TMEM108: variants seen among roughly 807,000 people sequenced by gnomAD.
The protein encoded by TMEM108 is cancer/testis antigen 124.
A neutral mutation model predicts 35.1 loss-of-function variants in TMEM108; 12 were observed. That is an observed-to-expected ratio of 0.34 (90% CI 0.22 to 0.55). The LOEUF is 0.55. TMEM108 is among the 20% of genes least tolerant of loss of function. TMEM108 has a pLI of 0.89. For missense variants in TMEM108, 680 were observed against 753.3 expected, an observed-to-expected ratio of 0.90 and a Z score of 1.14; for synonymous variants, 287 against 308.6, an observed-to-expected ratio of 0.93 and a Z score of 0.73.
chr3:133,059,804 T>C (rs999917234), intron 2 of TMEM108, among the ~76,000 whole-genome samples: 5 of 152,174 alleles, frequency 3.3e-5, no homozygotes, highest in South Asian at 2.1e-4. Context: ...TTAATGCATT[T>C]TTCCCCTGGC....
chr3:133,311,791 C>G (rs909151898), intron 3 of TMEM108, among the ~76,000 whole-genome samples: 1 of 152,212 alleles, frequency 6.6e-6, no homozygotes, highest in African/African-American at 2.4e-5. Flanking sequence ...AGAAGAGGCA[C>G]TCCGGTTTTT....
chr3:133,242,181 A>G (rs1946323609), intron 3 of TMEM108, among the ~76,000 whole-genome samples: 1 of 152,176 alleles, frequency 6.6e-6, no homozygotes, highest in Admixed American at 6.5e-5. Flanking sequence ...ATCTGCAAAG[A>G]CCATTTTTCC....
At chr3:133,187,883 C>A (rs201036687) in intron 2 of TMEM108, among the ~76,000 whole-genome samples, 184 of 127,280 alleles carry the variant, frequency 1.4e-3, no homozygotes, top group Middle Eastern at 4.1e-3. Flanking sequence ...ACGGTTGCTG[C>A]AAAAAAAAAA....
chr3:133,169,038 C>G (rs113007546), intron 2 of TMEM108, among the ~76,000 whole-genome samples: 1 of 152,230 alleles, frequency 6.6e-6, no homozygotes, highest in Non-Finnish European at 1.5e-5. Flanking sequence ...GACACACCAT[C>G]TTTAAGAACT....
chr3:133,288,013 G>A (rs1013180011), intron 3 of TMEM108, among the ~76,000 whole-genome samples: 1 of 152,196 alleles, frequency 6.6e-6, no homozygotes. Context: ...CCAAAAGAGG[G>A]ACAATTTCAG....
chr3:133,281,713 C>G (rs1946915322), intron 3 of TMEM108, among the ~76,000 whole-genome samples: 1 of 152,198 alleles, frequency 6.6e-6, no homozygotes, highest in African/African-American at 2.4e-5. Flanking sequence ...CTAAGCAGCT[C>G]TGTGACATTG....
chr3:133,094,886 T>C (rs868035975), intron 2 of TMEM108, among the ~76,000 whole-genome samples: 14 of 152,328 alleles, frequency 9.2e-5, no homozygotes, highest in African/African-American at 3.4e-4. Flanking sequence ...CTCTACTGGA[T>C]TGTAGTTCCT....
intron 2 of TMEM108, among the ~76,000 whole-genome samples, chr3:133,064,574 A>G (rs1400246223): frequency 1.3e-5 from 2 of 152,182 alleles, no homozygotes; most frequent in Non-Finnish European, 2.9e-5. Context: ...ATTTTATGAA[A>G]TACTTGAATT....
intron 2 of TMEM108, among the ~76,000 whole-genome samples, chr3:133,141,218 G>A (rs988605094): frequency 6.6e-6 from 1 of 152,168 alleles, no homozygotes; most frequent in African/African-American, 2.4e-5. Flanking sequence ...TGCCAGCAGG[G>A]CCATTGTGGT....
intron 2 of TMEM108, among the ~76,000 whole-genome samples, chr3:133,203,390 T>C (rs4361277): frequency 0.78 from 118,641 of 152,164 alleles, 46,597 homozygotes; most frequent in East Asian, 0.94. Flanking sequence ...AAAGGAATGC[T>C]TCCAGCTTTG....
At chr3:133,158,473 A>G (rs1454354421) in intron 2 of TMEM108, among the ~76,000 whole-genome samples, 1 of 151,286 alleles carries the variant, frequency 6.6e-6, no homozygotes, top group South Asian at 2.1e-4. Context: ...TCTAAAAAAA[A>G]AAAAAAAAAA....
At chr3:133,230,665 G>GA (rs772545378) in intron 3 of TMEM108, among the ~76,000 whole-genome samples, 2 of 152,170 alleles carry the variant, frequency 1.3e-5, no homozygotes, top group African/African-American at 2.4e-5. Context: ...TTTGTAGCCA[G>GA]AAAAACAGGA....
rs188286905 is a variant in TMEM108, at chr3:133,174,526, C to T, written c.-46-54740C>T. ...GCAACATTTGCTGTTCAACAATATC[C>T]GCTGTTGTGCAGCCTCCGCTGCTGA... On this transcript the variant is annotated intron_variant, in intron 2 of 5. Transcript: ENST00000321871. Among the ~76,000 whole-genome samples the T allele has an allele frequency of 7.5e-3, 1,145 of 152,302 alleles. 18 individuals carry two copies. The highest frequency in any genetic ancestry group is 0.026 in the African/African-American group (1,073 of 41,574).
intron 2 of TMEM108, among the ~76,000 whole-genome samples, chr3:133,053,755 G>T (rs1356575083): frequency 6.6e-6 from 1 of 152,084 alleles, no homozygotes; most frequent in African/African-American, 2.4e-5. Context: ...TAACAGTGTT[G>T]GTCAGTCCAT....
intron 3 of TMEM108, among the ~76,000 whole-genome samples, chr3:133,311,164 C>T (rs184107974): frequency 2.0e-5 from 3 of 152,126 alleles, no homozygotes; most frequent in East Asian, 1.9e-4. Context: ...CCTTCATTTC[C>T]ACCTTAGTGA....
chr3:133,195,007 C>A (rs548582232), intron 2 of TMEM108, among the ~76,000 whole-genome samples: 1 of 152,228 alleles, frequency 6.6e-6, no homozygotes, highest in African/African-American at 2.4e-5. Flanking sequence ...GATCTTAAAT[C>A]TGGAAAGAAC....
chr3:133,066,437 GA>G (rs543014129), intron 2 of TMEM108, among the ~76,000 whole-genome samples: 6 of 151,432 alleles, frequency 4.0e-5, no homozygotes, highest in Admixed American at 6.6e-5. Context: ...GAAGAAATAA[GA>G]AAAAAAAGCA....
At chr3:133,336,114 C>G (rs2071494884) in intron 3 of TMEM108, among the ~76,000 whole-genome samples, 1 of 152,144 alleles carries the variant, frequency 6.6e-6, no homozygotes, top group South Asian at 2.1e-4. Flanking sequence ...CCTAAATAAA[C>G]TTGAAAGGCA....
At chr3:133,214,502 G>A (rs1576387434) in intron 2 of TMEM108, among the ~76,000 whole-genome samples, 2 of 133,612 alleles carry the variant, frequency 1.5e-5, no homozygotes, top group South Asian at 4.7e-4. Flanking sequence ...CAACTTAATC[G>A]AATCTTCTCT....
Sources: allele counts gnomAD v4.1 joint callset (sites outside exome capture counted in the v4.1 genomes callset), GRCh38; gene constraint gnomAD v4.1.1; transcripts MANE v1.5; gene names NCBI Gene and HGNC (gene_info 2026-07-23, HGNC 2026-07-21).